The following ERCC6L2 variants were observed in gnomAD, a reference collection of about 807,000 sequenced individuals.
The protein encoded by ERCC6L2 is ERCC excision repair 6 like 2, also known as DNA excision repair protein ERCC-6-like 2.
Under a neutral mutation model 132.0 loss-of-function variants are expected in ERCC6L2, and 77 were observed. That is an observed-to-expected ratio of 0.58 (90% CI 0.49 to 0.71). The LOEUF (loss-of-function observed/expected upper bound fraction) is 0.71. ERCC6L2 is among the 30% of genes least tolerant of loss of function. ERCC6L2 has a pLI of 0.00. For missense variants in ERCC6L2, 1,542 were observed against 1,837.6 expected (o/e 0.84, Z 2.94); for synonymous variants, 583 against 632.4 (o/e 0.92, Z 1.17).
At chr9:95,912,903 T>TTGG (rs1829409395) in intron 4 of ERCC6L2, among the ~76,000 whole-genome samples, 2 of 152,218 alleles carry the variant, frequency 1.3e-5, no homozygotes, top group Non-Finnish European at 2.9e-5. Context: ...TTAAATAGAT[T>TTGG]CAGATTAAAC....
chr9:95,923,877 A>G (rs1829987316), intron 9 of ERCC6L2, among the ~76,000 whole-genome samples: 1 of 152,178 alleles, frequency 6.6e-6, no homozygotes, highest in Non-Finnish European at 1.5e-5. Flanking sequence ...GCAAATAGTC[A>G]TTTGTCATAC....
intron 19 of ERCC6L2, among the ~76,000 whole-genome samples, chr9:96,035,911 ATCTG>A (rs1489642903): frequency 6.6e-6 from 1 of 152,230 alleles, no homozygotes; most frequent in Non-Finnish European, 1.5e-5. Flanking sequence ...GTCTGGAAGC[ATCTG>A]TGATGTGCAG....
At chr9:95,887,728 T>A (rs1827950089) in intron 2 of ERCC6L2, among the ~76,000 whole-genome samples, 1 of 152,194 alleles carries the variant, frequency 6.6e-6, no homozygotes, top group Non-Finnish European at 1.5e-5. Context: ...TCTTAGGTTA[T>A]TTTCAGTACC....
At chr9:95,971,077 A>C (rs1174286388) in intron 15 of ERCC6L2, among the ~76,000 whole-genome samples, 1 of 152,154 alleles carries the variant, frequency 6.6e-6, no homozygotes, top group Non-Finnish European at 1.5e-5. Context: ...TGATCTTTTT[A>C]GTAGCTTGTC....
chr9:95,944,797 C>G (rs1830973706), intron 12 of ERCC6L2, among the ~76,000 whole-genome samples: 1 of 151,942 alleles, frequency 6.6e-6, no homozygotes, highest in African/African-American at 2.4e-5. Flanking sequence ...TCCGTGATGC[C>G]CCCTGAGCTG....
chr9:95,921,326 C>A lies in ERCC6L2; in HGVS notation c.1299+11C>A. 1 of 1,603,220 alleles carries A rather than the reference C, an allele frequency of 6.2e-7. No individual in the cohort carries two copies. Among genetic ancestry groups the A allele is most frequent in the Non-Finnish European group, 8.5e-7 (1 of 1,174,506 alleles). ...AATTGTTGTTATAAGGCAAGCATTTCAATATATCTTTATAATCATGCTTTT... is the reference window on the plus strand; with the variant it reads ...AATTGTTGTTATAAGGCAAGCATTTAAATATATCTTTATAATCATGCTTTT... On this transcript the variant is annotated intron_variant, in intron 7 of 18. Transcript: ENST00000653738.
chr9:96,026,970 A>C (rs553829932), intron 19 of ERCC6L2, among the ~76,000 whole-genome samples: 18 of 134,138 alleles, frequency 1.3e-4, no homozygotes, highest in Admixed American at 5.2e-4. Context: ...ACCACACCGC[A>C]CAAACACACC....
intron 17 of ERCC6L2, among the ~76,000 whole-genome samples, chr9:95,994,936 A>G (rs1246229708): frequency 6.6e-6 from 1 of 152,162 alleles, no homozygotes; most frequent in Non-Finnish European, 1.5e-5. Flanking sequence ...GTTCTTTAGT[A>G]ACTTACCTCC....
chr9:95,880,881 C>T lies in ERCC6L2; in HGVS notation c.59C>T (p.Pro20Leu), dbSNP rs752174609. ...TTTATTCTTGCAGACATATGGCATC[C>T]AGGAGAAAGATGTCTTGCCCCTTCT... ...AETSGKDIWH[P>L]GERCLAPSPD... Residue 20 changes from proline (P) to leucine (L), a missense_variant, in exon 2 of 19, where the codon CCA becomes CTA. By Grantham distance (98) the Pro-to-Leu change is moderately conservative (BLOSUM62 -3). Around this residue, in one of 4 missense-constraint regions of ERCC6L2, gnomAD observed 153 missense variants for 132.3 expected, o/e 1.16. Transcript: ENST00000653738. 6.2e-7 allele frequency: 1 copy of T among 1,606,002 alleles called. No individual in the cohort carries two copies. The highest frequency in any genetic ancestry group is 8.5e-7 in the Non-Finnish European group (1 of 1,176,410).
chr9:96,035,425 G>C (rs1018953461), intron 19 of ERCC6L2, among the ~76,000 whole-genome samples: 1 of 152,218 alleles, frequency 6.6e-6, no homozygotes, highest in Admixed American at 6.5e-5. Flanking sequence ...CCAGGGTAGA[G>C]GATGGCCAGA....
intron 2 of ERCC6L2, among the ~76,000 whole-genome samples, chr9:95,894,786 G>C (rs1342859677): frequency 6.6e-6 from 1 of 151,818 alleles, no homozygotes; most frequent in Non-Finnish European, 1.5e-5. Flanking sequence ...AGTAGAAACG[G>C]GATTTCACCA....
In ERCC6L2 at chr9:96,014,229, T is replaced by C. The variant is rs927714554; in HGVS notation, c.*1026T>C. Reference sequence around the variant, plus strand: ...GACCTGAGCTGCCTCCGCTGCAGGTTCAGATGCACCGCTGCAGCTGTCCTT... The same window carrying C: ...GACCTGAGCTGCCTCCGCTGCAGGTCCAGATGCACCGCTGCAGCTGTCCTT... On this transcript the variant is annotated 3_prime_UTR_variant, in exon 19 of 19. Coordinates refer to ENST00000653738, the MANE Select transcript of ERCC6L2 (RefSeq NM_020207.7). The C allele has an allele frequency of 6.6e-6, 1 of 152,206 alleles. No homozygotes were observed. The highest frequency in any genetic ancestry group is 2.4e-5 in the African/African-American group (1 of 41,440). 9.4% of individuals were successfully genotyped at this position (152,206 alleles called of 1,614,324 possible).
intron 2 of ERCC6L2, among the ~76,000 whole-genome samples, chr9:95,890,302 T>C (rs1828090409): frequency 6.6e-6 from 1 of 152,222 alleles, no homozygotes; most frequent in Non-Finnish European, 1.5e-5. Context: ...ATATTGCCTA[T>C]ATTTGCCAGG....
At chr9:95,897,058 TTTC>T (rs145474196) in intron 2 of ERCC6L2, among the ~76,000 whole-genome samples, 19,712 of 152,036 alleles carry the variant, frequency 0.13, 1,344 homozygotes, top group South Asian at 0.23. Context: ...TTATATAGTT[TTTC>T]TTCTTATTTA....
intron 18 of ERCC6L2, among the ~76,000 whole-genome samples, chr9:96,007,830 A>G (rs984298943): frequency 2.0e-5 from 3 of 152,164 alleles, no homozygotes; most frequent in Admixed American, 1.3e-4. Flanking sequence ...GATGGGAGGC[A>G]TGGTTGGACT....
At position 95,907,209 on chromosome 9, in the gene ERCC6L2, G is replaced by A. The variant is rs147747872; in HGVS notation, c.726G>A (p.Arg242=). ...KDNELIRVKQ[R]KCEIALTTYE... is the part of the protein sequence containing the mutation. ...ATGAATTAATTCGTGTAAAGCAGAG[G>A]AAATGTGAAATTGCTCTAACAACTT... is the stretch of plus-strand genomic sequence containing the variant. Residue 242 remains arginine (R), a synonymous_variant, in exon 4 of 19, where the codon AGG becomes AGA. Transcript: ENST00000653738. 4.8e-4 allele frequency: 781 copies of A among 1,613,210 alleles called. 1 individual carries two copies. The highest frequency in any genetic ancestry group is 6.1e-4 in the Non-Finnish European group (715 of 1,179,724).
intron 12 of ERCC6L2, among the ~76,000 whole-genome samples, chr9:95,944,227 T>A (rs1308490256): frequency 1.3e-5 from 2 of 152,172 alleles, no homozygotes; most frequent in African/African-American, 4.8e-5. Context: ...TGCTACAACA[T>A]AGACAAACCT....
intron 12 of ERCC6L2, among the ~76,000 whole-genome samples, chr9:95,944,664 A>AT (rs1489533041): frequency 8.3e-6 from 1 of 119,778 alleles, no homozygotes; most frequent in Non-Finnish European, 1.8e-5. Flanking sequence ...CACCCCCAAT[A>AT]TTTTACATAG....
At chr9:95,889,935 A>G (rs971279214) in intron 2 of ERCC6L2, among the ~76,000 whole-genome samples, 1 of 152,210 alleles carries the variant, frequency 6.6e-6, no homozygotes, top group African/African-American at 2.4e-5. Context: ...TTTGTGGAGT[A>G]TCCGTTCTCT....
Sources: allele counts gnomAD v4.1 joint callset (sites outside exome capture counted in the v4.1 genomes callset), GRCh38; gene constraint gnomAD v4.1.1; regional missense constraint gnomAD v4.1.1; transcripts MANE v1.5; gene names NCBI Gene and HGNC (gene_info 2026-07-23, HGNC 2026-07-21).